Variants in SGCD observed in about 807,000 individuals in gnomAD.
SGCD encodes delta-sarcoglycan.
SGCD carries 18 observed loss-of-function variants against 36.6 expected under a neutral mutation model. The ratio of observed to expected loss-of-function variants is 0.49; its 90% CI spans 0.34 to 0.73. SGCD has a LOEUF of 0.73. SGCD is among the 30% of genes least tolerant of loss of function. The probability of loss-of-function intolerance (pLI) is 0.01; values close to 1 mark genes in which losing one functional copy is unlikely to be tolerated. For synonymous variants in SGCD, 133 were observed against 130.6 expected, an observed-to-expected ratio of 1.02 and a Z score of -0.12; for missense variants, 387 against 346.7, an observed-to-expected ratio of 1.12 and a Z score of -0.92.
At chr5:156,250,847 C>G (rs529867462) in intron 3 of SGCD, among the ~76,000 whole-genome samples, 1 of 152,132 alleles carries the variant, frequency 6.6e-6, no homozygotes. Flanking sequence ...TCTGAAAATG[C>G]TGTGTAAGTC....
At chr5:155,874,273 G>C (rs889517910) in intron 1 of SGCD, among the ~76,000 whole-genome samples, 8 of 152,080 alleles carry the variant, frequency 5.3e-5, no homozygotes, top group Admixed American at 1.3e-4. Flanking sequence ...CATGGTATGA[G>C]TACAGACATG....
chr5:156,332,044 A>G (rs567251908), intron 2 of SGCD, among the ~76,000 whole-genome samples: 86 of 152,236 alleles, frequency 5.6e-4, no homozygotes, highest in African/African-American at 2.0e-3. Context: ...CAAAGTCCTT[A>G]TCTGCTTCCC....
chr5:156,741,120 C>T (rs1756650804), intron 7 of SGCD, among the ~76,000 whole-genome samples: 1 of 152,048 alleles, frequency 6.6e-6, no homozygotes, highest in Admixed American at 6.6e-5. Context: ...AGGTCGCTCC[C>T]CAAAGTAACA....
At chr5:155,886,086 A>G (rs1755990972) in intron 1 of SGCD, among the ~76,000 whole-genome samples, 1 of 152,202 alleles carries the variant, frequency 6.6e-6, no homozygotes, top group Non-Finnish European at 1.5e-5. Flanking sequence ...ATTCCCAGCA[A>G]TATTTGCATT....
At chr5:156,330,761 G>C (rs1768032767) in intron 2 of SGCD, among the ~76,000 whole-genome samples, 1 of 152,092 alleles carries the variant, frequency 6.6e-6, no homozygotes, top group African/African-American at 2.4e-5. Flanking sequence ...AGGAAGCACA[G>C]CAAGAAAGAA....
chr5:156,462,954 G>T (rs893100174), intron 3 of SGCD, among the ~76,000 whole-genome samples: 3 of 152,124 alleles, frequency 2.0e-5, no homozygotes, highest in Non-Finnish European at 4.4e-5. Flanking sequence ...GAATTCTGAT[G>T]AATTATATTG....
intron 3 of SGCD, among the ~76,000 whole-genome samples, chr5:156,139,271 TCTC>T (rs1247840780): frequency 6.6e-6 from 1 of 152,202 alleles, no homozygotes; most frequent in African/African-American, 2.4e-5. Context: ...ACAAAGATAT[TCTC>T]CTGTTTTCTG....
intron 6 of SGCD, among the ~76,000 whole-genome samples, chr5:156,636,983 G>C (rs1428129968): frequency 6.6e-6 from 1 of 152,024 alleles, no homozygotes; most frequent in Admixed American, 6.6e-5. Flanking sequence ...TAAAAGTAAG[G>C]TGATATGGTT....
intron 3 of SGCD, among the ~76,000 whole-genome samples, chr5:156,458,798 A>G (rs1188781751): frequency 6.6e-6 from 1 of 152,214 alleles, no homozygotes; most frequent in African/African-American, 2.4e-5. Context: ...TGAGAATCAC[A>G]TGGGAGAGCC....
chr5:156,664,920 C>T (rs1281169737), intron 7 of SGCD, among the ~76,000 whole-genome samples: 4 of 146,032 alleles, frequency 2.7e-5, no homozygotes, highest in African/African-American at 2.6e-5. Flanking sequence ...TCGGTTCTAA[C>T]GTTACTGGGA....
At chr5:156,329,648 T>G in intron 2 of SGCD, 69 bp downstream of exon 2, 1 of 1,444,430 alleles carries the variant, frequency 6.9e-7, no homozygotes. Flanking sequence ...TAACATAAAC[T>G]TTTGAAAAAG....
intron 7 of SGCD, among the ~76,000 whole-genome samples, chr5:156,688,949 C>T (rs549518101): frequency 1.1e-4 from 16 of 152,298 alleles, no homozygotes; most frequent in Admixed American, 4.6e-4. Context: ...TCACAAATTC[C>T]GTATTCTTTC....
At chr5:155,886,692 G>T (rs1756011194) in intron 1 of SGCD, among the ~76,000 whole-genome samples, 1 of 152,310 alleles carries the variant, frequency 6.6e-6, no homozygotes, top group East Asian at 1.9e-4. Flanking sequence ...ATGCTTGGGG[G>T]TTAAAGAATA....
chr5:156,564,546 T>C (rs184758916), intron 4 of SGCD, among the ~76,000 whole-genome samples: 77 of 152,250 alleles, frequency 5.1e-4, no homozygotes, highest in Admixed American at 4.8e-3. Context: ...TGTAGTTGAG[T>C]GGCATTAAGT....
chr5:155,747,881 G>A, the SGCD span, among the ~76,000 whole-genome samples: 1 of 152,104 alleles, frequency 6.6e-6, no homozygotes, highest in Non-Finnish European at 1.5e-5. Flanking sequence ...TAATCAACCA[G>A]GGTCCTAAAA....
intron 1 of SGCD, among the ~76,000 whole-genome samples, chr5:156,034,087 C>G (rs1177025607): frequency 6.6e-6 from 1 of 152,184 alleles, no homozygotes; most frequent in African/African-American, 2.4e-5. Flanking sequence ...TAGTCCCTCT[C>G]TCCTACCCCA....
At chr5:156,749,434 A>G (rs1209154436) in intron 7 of SGCD, among the ~76,000 whole-genome samples, 1 of 152,162 alleles carries the variant, frequency 6.6e-6, no homozygotes, top group Non-Finnish European at 1.5e-5. Flanking sequence ...TGAACTAAAC[A>G]TAAAAATAGA....
chr5:156,338,020 A>G (rs1768447774), intron 2 of SGCD, among the ~76,000 whole-genome samples: 1 of 152,144 alleles, frequency 6.6e-6, no homozygotes, highest in African/African-American at 2.4e-5. Context: ...GTCAAACGTT[A>G]GTAAAATGCC....
At chr5:155,872,486 C>T (rs990502463) in intron 1 of SGCD, among the ~76,000 whole-genome samples, 7 of 152,034 alleles carry the variant, frequency 4.6e-5, no homozygotes, top group African/African-American at 7.2e-5. Context: ...AATCCAATAA[C>T]ATTGCTGTTA....
Sources: allele counts gnomAD v4.1 joint callset (sites outside exome capture counted in the v4.1 genomes callset), GRCh38; gene constraint gnomAD v4.1.1; transcripts MANE v1.5; gene names NCBI Gene and HGNC (gene_info 2026-07-23, HGNC 2026-07-21).